Variants in CSMD1 observed in about 807,000 individuals in gnomAD.
The protein encoded by CSMD1 is CUB and sushi domain-containing protein 1.
CSMD1 carries 213 observed loss-of-function variants against 417.5 expected under a neutral mutation model. The observed-to-expected ratio is 0.51, with a 90% CI of 0.46 to 0.57. The LOEUF (loss-of-function observed/expected upper bound fraction) is 0.57, where lower values mean the gene tolerates loss of function less well. CSMD1 is among the 20% of genes least tolerant of loss of function. CSMD1 has a pLI of 0.00. For missense variants in CSMD1, 6,923 were observed against 4,529.7 expected (o/e 1.53, Z -15.17); for synonymous variants, 2,862 against 1,736.8 (o/e 1.65, Z -16.11).
In CSMD1 at chr8:4,683,056, C is replaced by T. The variant is rs1038223143; in HGVS notation, c.86-45498G>A. Among the ~76,000 whole-genome samples the T allele has an allele frequency of 2.3e-4, 34 of 145,604 alleles. 1 individual carries two copies. Among genetic ancestry groups the T allele is most frequent in the South Asian group, 6.5e-4 (3 of 4,616 alleles). ...GTGAAATATAAGTATTAGAATAGTCCAATGTCATTGTGGCATAGAATTTAG... is the reference window on the plus strand; with the variant it reads ...GTGAAATATAAGTATTAGAATAGTCTAATGTCATTGTGGCATAGAATTTAG... On this transcript the variant is annotated intron_variant, in intron 1 of 69. Transcript: ENST00000635120.
chr8:4,681,880 G>T (rs1466858673), intron 1 of CSMD1, among the ~76,000 whole-genome samples: 1 of 152,124 alleles, frequency 6.6e-6, no homozygotes, highest in East Asian at 1.9e-4. Context: ...AGAAAAAAAT[G>T]CTCAGAACAA....
At chr8:3,996,931 T>G (rs181116254) in intron 5 of CSMD1, among the ~76,000 whole-genome samples, 1 of 152,216 alleles carries the variant, frequency 6.6e-6, no homozygotes, top group African/African-American at 2.4e-5. Flanking sequence ...ATGTTTGACA[T>G]GTTTGTCTGG....
At chr8:2,999,376 A>T (rs1450926981) in intron 53 of CSMD1, among the ~76,000 whole-genome samples, 3 of 150,606 alleles carry the variant, frequency 2.0e-5, no homozygotes, top group Admixed American at 2.0e-4. Context: ...CTCGTCTTGA[A>T]CTCCTGACCT....
intron 10 of CSMD1, among the ~76,000 whole-genome samples, chr8:3,495,076 T>G (rs1394099836): frequency 6.6e-6 from 1 of 152,216 alleles, no homozygotes; most frequent in Non-Finnish European, 1.5e-5. Context: ...ACCTACTATT[T>G]CAAATTGCAG....
At chr8:4,712,226 T>C (rs2725082) in intron 1 of CSMD1, among the ~76,000 whole-genome samples, 14,310 of 152,228 alleles carry the variant, frequency 0.094, 1,382 homozygotes, top group African/African-American at 0.25. Context: ...CTACTCATGA[T>C]CCTCAGTGCA....
At chr8:3,244,078 C>T (rs184456859) in intron 26 of CSMD1, among the ~76,000 whole-genome samples, 66 of 152,284 alleles carry the variant, frequency 4.3e-4, no homozygotes, top group African/African-American at 1.4e-3. Flanking sequence ...TATACAGAAG[C>T]AGTCGCATCT....
At chr8:4,570,201 A>C (rs1346960764) in intron 2 of CSMD1, among the ~76,000 whole-genome samples, 1 of 152,190 alleles carries the variant, frequency 6.6e-6, no homozygotes, top group Admixed American at 6.6e-5. Flanking sequence ...GAGAGAGGGC[A>C]TCCTTGTCTT....
intron 1 of CSMD1, among the ~76,000 whole-genome samples, chr8:4,744,064 G>C (rs1810797155): frequency 6.6e-6 from 1 of 152,214 alleles, no homozygotes; most frequent in African/African-American, 2.4e-5. Flanking sequence ...ATGCGGCTTT[G>C]ATGATGATTC....
chr8:4,992,462 A>G (rs570656238), intron 1 of CSMD1, among the ~76,000 whole-genome samples: 1 of 152,314 alleles, frequency 6.6e-6, no homozygotes, highest in East Asian at 1.9e-4. Flanking sequence ...CCCCGGGCCC[A>G]GTTAGGCTTG....
chr8:4,443,687 G>C (rs1054830481), intron 2 of CSMD1, among the ~76,000 whole-genome samples: 1 of 152,104 alleles, frequency 6.6e-6, no homozygotes, highest in Non-Finnish European at 1.5e-5. Flanking sequence ...ATTCAATCCT[G>C]CAATTCCCAA....
chr8:4,052,391 A>G (rs75953022), intron 3 of CSMD1, among the ~76,000 whole-genome samples: 6,291 of 152,314 alleles, frequency 0.041, 184 homozygotes, highest in Non-Finnish European at 0.062. Context: ...TAATTGGCAA[A>G]GACCTATTTC....
chr8:3,202,692 C>G (rs1797053331), intron 31 of CSMD1, among the ~76,000 whole-genome samples: 1 of 152,116 alleles, frequency 6.6e-6, no homozygotes, highest in Non-Finnish European at 1.5e-5. Flanking sequence ...TGTCAGAATT[C>G]CAACGGAAAC....
intron 3 of CSMD1, among the ~76,000 whole-genome samples, chr8:4,370,036 T>G (rs1482018075): frequency 3.3e-5 from 5 of 152,128 alleles, no homozygotes; most frequent in Admixed American, 6.5e-5. Flanking sequence ...AGTTGATTTA[T>G]AATGTCAATG....
intron 51 of CSMD1, 42 bp downstream of exon 51, chr8:3,029,277 T>C: frequency 6.6e-7 from 1 of 1,526,220 alleles, no homozygotes; most frequent in Non-Finnish European, 8.9e-7. Context: ...TAGAATAATC[T>C]AGGATGCCGT....
At chr8:3,651,233 G>C (rs958535274) in intron 7 of CSMD1, among the ~76,000 whole-genome samples, 4 of 152,102 alleles carry the variant, frequency 2.6e-5, no homozygotes, top group East Asian at 1.9e-4. Flanking sequence ...ACCTAAGACA[G>C]ATCGTATCAC....
intron 2 of CSMD1, among the ~76,000 whole-genome samples, chr8:4,481,672 T>C (rs1292710909): frequency 2.0e-5 from 3 of 152,190 alleles, no homozygotes; most frequent in African/African-American, 7.2e-5. Flanking sequence ...CCACAGACCT[T>C]GTAAATGCTT....
At chr8:3,296,435 C>T (rs79435271) in intron 25 of CSMD1, among the ~76,000 whole-genome samples, 5,576 of 152,062 alleles carry the variant, frequency 0.037, 343 homozygotes, top group African/African-American at 0.12. Flanking sequence ...GAGGTGCCTA[C>T]GCACAGAGGG....
At chr8:4,763,588 G>C (rs1037815023) in intron 1 of CSMD1, among the ~76,000 whole-genome samples, 2 of 152,076 alleles carry the variant, frequency 1.3e-5, no homozygotes, top group Non-Finnish European at 2.9e-5. Flanking sequence ...CGTATTTTCT[G>C]AATGACTTAT....
chr8:4,479,143 G>GTTAAT (rs1269225026), intron 2 of CSMD1, among the ~76,000 whole-genome samples: 1 of 152,030 alleles, frequency 6.6e-6, no homozygotes. Flanking sequence ...CTTTAATAAG[G>GTTAAT]TTAATTTATA....
Sources: gnomAD v4.1 joint callset for allele counts (sites outside exome capture counted in the v4.1 genomes callset) on GRCh38, gnomAD v4.1.1 for gene constraint, MANE v1.5 for transcripts, NCBI Gene and HGNC (gene_info 2026-07-23, HGNC 2026-07-21) for gene names.